Variants in AHCYL2 observed in about 807,000 individuals in gnomAD.
The protein encoded by AHCYL2 is S-adenosylhomocysteine hydrolase-like protein 2.
AHCYL2 carries 28 observed loss-of-function variants against 81.4 expected under a neutral mutation model. That is an observed-to-expected ratio of 0.34 (90% CI 0.25 to 0.47). The LOEUF (loss-of-function observed/expected upper bound fraction) is 0.47, where lower values mean the gene tolerates loss of function less well. AHCYL2 is among the 20% of genes least tolerant of loss of function. AHCYL2 has a pLI of 1.00. For synonymous variants in AHCYL2, 272 were observed against 290.2 expected (o/e 0.94, Z 0.64); for missense variants, 551 against 785.1 (o/e 0.70, Z 3.56).
chr7:129,362,900 C>G (rs1793983630), intron 1 of AHCYL2, among the ~76,000 whole-genome samples: 1 of 152,116 alleles, frequency 6.6e-6, no homozygotes, highest in South Asian at 2.1e-4. Flanking sequence ...AACATCTTCA[C>G]TGCCTGGGGG....
chr7:129,277,906 A>G (rs1796282528), intron 1 of AHCYL2, among the ~76,000 whole-genome samples: 1 of 152,192 alleles, frequency 6.6e-6, no homozygotes, highest in South Asian at 2.1e-4. Context: ...GTGAACATTT[A>G]TTAGAGATAT....
At chr7:129,359,159 G>A (rs1472720544) in intron 1 of AHCYL2, among the ~76,000 whole-genome samples, 1 of 152,094 alleles carries the variant, frequency 6.6e-6, no homozygotes, top group East Asian at 1.9e-4. Context: ...CATGCAATGG[G>A]ATACTTTCCC....
chr7:129,396,039 C>T (rs1352625377), intron 4 of AHCYL2, among the ~76,000 whole-genome samples: 1 of 152,140 alleles, frequency 6.6e-6, no homozygotes, highest in Non-Finnish European at 1.5e-5. Context: ...CTTTGATGGG[C>T]TCAAGAAAAG....
intron 1 of AHCYL2, among the ~76,000 whole-genome samples, chr7:129,300,943 C>G (rs1490368114): frequency 6.6e-6 from 1 of 152,172 alleles, no homozygotes; most frequent in Non-Finnish European, 1.5e-5. Context: ...AGGGATTCTC[C>G]TGCCTTGGCC....
At chr7:129,399,141 CAAAAAA>C (rs71162600) in intron 5 of AHCYL2, among the ~76,000 whole-genome samples, 4 of 44,952 alleles carry the variant, frequency 8.9e-5, no homozygotes, top group South Asian at 1.2e-3. Flanking sequence ...GACTCCATCT[CAAAAAA>C]AAAAAAAAAA....
At chr7:129,381,874 A>C (rs901202356) in intron 2 of AHCYL2, among the ~76,000 whole-genome samples, 6 of 152,206 alleles carry the variant, frequency 3.9e-5, no homozygotes, top group Non-Finnish European at 8.8e-5. Flanking sequence ...CTGTAAACTC[A>C]GTGCTTTTAA....
At chr7:129,306,071 C>T (rs1022925234) in intron 1 of AHCYL2, among the ~76,000 whole-genome samples, 4 of 152,234 alleles carry the variant, frequency 2.6e-5, no homozygotes, top group African/African-American at 9.6e-5. Flanking sequence ...TTGAGGTAGT[C>T]GTCCTTGGAT....
At chr7:129,407,184 T>A (rs1221335750) in intron 10 of AHCYL2, among the ~76,000 whole-genome samples, 4 of 152,030 alleles carry the variant, frequency 2.6e-5, no homozygotes, top group Non-Finnish European at 4.4e-5. Context: ...ACCCCATCTC[T>A]ACAAATAATT....
At chr7:129,234,725 G>C (rs183593957) in intron 1 of AHCYL2, among the ~76,000 whole-genome samples, 1 of 151,730 alleles carries the variant, frequency 6.6e-6, no homozygotes, top group Non-Finnish European at 1.5e-5. Context: ...CGAATTCCTC[G>C]CTTCAAGCAG....
At chr7:129,294,917 G>A (rs1290440429) in intron 1 of AHCYL2, among the ~76,000 whole-genome samples, 1 of 152,200 alleles carries the variant, frequency 6.6e-6, no homozygotes, top group East Asian at 1.9e-4. Flanking sequence ...AGTGGGGTGT[G>A]TTGAATGTGT....
Position 129,379,645 on chromosome 7 carries a change from A to G in AHCYL2, c.371A>G (p.Gln124Arg), listed in dbSNP as rs1278550455. The G allele has an allele frequency of 1.2e-6, 2 of 1,613,800 alleles. No homozygotes were observed. Among genetic ancestry groups the G allele is most frequent in the Non-Finnish European group, 1.7e-6 (2 of 1,179,872 alleles). ...EAPRTVKKQIQFADQKQEFNK... is the reference protein window; with the variant it reads ...EAPRTVKKQIRFADQKQEFNK... ...TAGGTTTCTTTTTCTTAGCAGATCC[A>G]GTTTGCTGACCAGAAGCAAGAATTC... The change falls in exon 2 of 17, where the codon CAG becomes CGG. Residue 124 changes from glutamine to arginine, a missense_variant. Physicochemically the swap from Gln to Arg is conservative, Grantham distance 43. Coordinates refer to ENST00000325006, the MANE Select transcript of AHCYL2 (RefSeq NM_015328.4).
intron 1 of AHCYL2, among the ~76,000 whole-genome samples, chr7:129,283,173 T>C (rs1168596640): frequency 6.6e-6 from 1 of 152,186 alleles, no homozygotes; most frequent in Non-Finnish European, 1.5e-5. Flanking sequence ...ACACTGTCTC[T>C]GCCTTGGCCT....
intron 1 of AHCYL2, among the ~76,000 whole-genome samples, chr7:129,226,453 A>G (rs1794222533): frequency 6.6e-6 from 1 of 152,248 alleles, no homozygotes; most frequent in Non-Finnish European, 1.5e-5. Context: ...TACAGCTTCA[A>G]TTTCGTAGAC....
At chr7:129,255,711 G>A (rs953049414) in intron 1 of AHCYL2, among the ~76,000 whole-genome samples, 3 of 152,130 alleles carry the variant, frequency 2.0e-5, no homozygotes, top group Non-Finnish European at 4.4e-5. Context: ...GGCTTGGCGC[G>A]GTGGTCCACG....
chr7:129,229,347 G>A (rs1195101660), intron 1 of AHCYL2, among the ~76,000 whole-genome samples: 1 of 152,174 alleles, frequency 6.6e-6, no homozygotes, highest in Non-Finnish European at 1.5e-5. Flanking sequence ...GATTACAGAT[G>A]TGAGCCATTA....
chr7:129,293,455 C>T (rs1796942194), intron 1 of AHCYL2, among the ~76,000 whole-genome samples: 1 of 152,044 alleles, frequency 6.6e-6, no homozygotes, highest in Non-Finnish European at 1.5e-5. Context: ...ACCAGCGGAT[C>T]ACTTGAGCCC....
intron 1 of AHCYL2, among the ~76,000 whole-genome samples, chr7:129,250,767 T>C (rs568387124): frequency 3.9e-5 from 6 of 152,360 alleles, no homozygotes; most frequent in African/African-American, 1.4e-4. Flanking sequence ...TATCACCTCT[T>C]GACATTTATA....
At chr7:129,318,219 T>G (rs1055458974) in intron 1 of AHCYL2, among the ~76,000 whole-genome samples, 1 of 152,192 alleles carries the variant, frequency 6.6e-6, no homozygotes, top group Non-Finnish European at 1.5e-5. Flanking sequence ...TGAACAGCAT[T>G]TAAATAATCT....
intron 1 of AHCYL2, among the ~76,000 whole-genome samples, chr7:129,251,312 T>G (rs947003833): frequency 2.4e-5 from 3 of 125,252 alleles, no homozygotes; most frequent in African/African-American, 8.7e-5. Flanking sequence ...TGGCAGATAG[T>G]AAAGATTTTT....
Sources: gnomAD v4.1 joint callset for allele counts (sites outside exome capture counted in the v4.1 genomes callset) on GRCh38, gnomAD v4.1.1 for gene constraint, MANE v1.5 for transcripts, NCBI Gene and HGNC (gene_info 2026-07-23, HGNC 2026-07-21) for gene names.